Variants in ADAMTSL3 observed in about 807,000 individuals in gnomAD.
The protein encoded by ADAMTSL3 is ADAMTS like 3.
Under a neutral mutation model 201.7 loss-of-function variants are expected in ADAMTSL3, and 128 were observed. The ratio of observed to expected loss-of-function variants is 0.63; its 90% CI spans 0.55 to 0.73. The LOEUF is 0.73. Ranked by LOEUF, ADAMTSL3 falls within the 30% of genes least tolerant of loss-of-function variation. The pLI is 0.00. For synonymous variants in ADAMTSL3, 738 were observed against 748.4 expected (o/e 0.99, Z 0.23); for missense variants, 1,990 against 2,119.6 (o/e 0.94, Z 1.20).
intron 3 of ADAMTSL3, among the ~76,000 whole-genome samples, chr15:83,743,465 A>C (rs1258549647): frequency 1.4e-5 from 2 of 138,272 alleles, no homozygotes; most frequent in East Asian, 4.7e-4. Flanking sequence ...GTGAGCCGAG[A>C]TTGCGCCACT....
intron 2 of ADAMTSL3, 106 bp from the exon 3 acceptor site, chr15:83,704,283 G>T: frequency 7.2e-6 from 11 of 1,519,826 alleles, no homozygotes; most frequent in Admixed American, 3.8e-5. Context: ...TTGTTTCTTG[G>T]TACAGCTATT....
chr15:83,730,224 A>T lies in ADAMTSL3; in HGVS notation c.189+25716A>T, dbSNP rs531443926. Reference sequence around the variant, plus strand: ...TCTAAAAACTGAAATTAAAAACCTGATGCTTAAGAAGAAACATGGAACATT... The same window carrying T: ...TCTAAAAACTGAAATTAAAAACCTGTTGCTTAAGAAGAAACATGGAACATT... On this transcript the variant is annotated intron_variant, in intron 3 of 29. Transcript: ENST00000286744. Among the ~76,000 whole-genome samples, 62 of 152,254 alleles carry T rather than the reference A, an allele frequency of 4.1e-4. No individual in the cohort carries two copies. The South Asian group carries it at 4.1e-3, about 10-fold the overall frequency.
intron 4 of ADAMTSL3, among the ~76,000 whole-genome samples, chr15:83,799,768 T>A (rs2063488776): frequency 6.6e-6 from 1 of 152,190 alleles, no homozygotes; most frequent in African/African-American, 2.4e-5. Flanking sequence ...TGTGAAATGA[T>A]GTTCTTGAAT....
intron 23 of ADAMTSL3, among the ~76,000 whole-genome samples, chr15:84,005,062 G>C (rs2067869777): frequency 6.6e-6 from 1 of 152,136 alleles, no homozygotes; most frequent in East Asian, 1.9e-4. Flanking sequence ...CCCAGAAATA[G>C]AGTGAGAGGT....
At chr15:83,955,709 C>G (rs2066848418) in intron 19 of ADAMTSL3, among the ~76,000 whole-genome samples, 2 of 152,042 alleles carry the variant, frequency 1.3e-5, no homozygotes, top group South Asian at 4.2e-4. Flanking sequence ...GAAATGTCAC[C>G]CAGGAGCTAG....
At chr15:83,711,926 G>C (rs2061938886) in intron 3 of ADAMTSL3, among the ~76,000 whole-genome samples, 1 of 152,194 alleles carries the variant, frequency 6.6e-6, no homozygotes, top group South Asian at 2.1e-4. Flanking sequence ...TTAAGGGGTG[G>C]GTATAGGGTG....
intron 23 of ADAMTSL3, among the ~76,000 whole-genome samples, chr15:83,992,149 G>T (rs866663800): frequency 1.3e-5 from 2 of 152,166 alleles, no homozygotes; most frequent in African/African-American, 4.8e-5. Context: ...TGCCTAGGGT[G>T]ACAGAGGAGC....
intron 20 of ADAMTSL3, 126 bp from the exon 21 acceptor site, chr15:83,982,147 G>C: frequency 1.3e-6 from 1 of 749,478 alleles, no homozygotes; most frequent in East Asian, 2.7e-5. Flanking sequence ...ATTCTTGAAT[G>C]TTTTAAAATA....
intron 4 of ADAMTSL3, among the ~76,000 whole-genome samples, chr15:83,776,115 G>A (rs1277817755): frequency 6.6e-6 from 1 of 152,132 alleles, no homozygotes; most frequent in Admixed American, 6.5e-5. Context: ...AGCAACTGTT[G>A]GTGACACATA....
chr15:83,677,133 A>G (rs2061417382), intron 2 of ADAMTSL3, among the ~76,000 whole-genome samples: 1 of 152,188 alleles, frequency 6.6e-6, no homozygotes, highest in Admixed American at 6.5e-5. Flanking sequence ...TGGTCAAATA[A>G]TAGACTCTGT....
intron 3 of ADAMTSL3, among the ~76,000 whole-genome samples, chr15:83,738,048 A>G (rs990012048): frequency 8.5e-5 from 13 of 152,204 alleles, no homozygotes; most frequent in Non-Finnish European, 1.6e-4. Flanking sequence ...ATGATTACCC[A>G]AGACTGTCTC....
chr15:83,872,606 A>ACACACACACACACACACACACACC (rs2065102312), intron 9 of ADAMTSL3, among the ~76,000 whole-genome samples: 1 of 87,112 alleles, frequency 1.1e-5, no homozygotes, highest in Admixed American at 1.3e-4. Flanking sequence ...CACCACACAC[A>ACACACACACACACACACACACACC]CACACACACA....
At chr15:83,895,970 CA>C (rs1371640645) in intron 13 of ADAMTSL3, among the ~76,000 whole-genome samples, 1 of 152,148 alleles carries the variant, frequency 6.6e-6, no homozygotes, top group Non-Finnish European at 1.5e-5. Context: ...ATCCTCGAAA[CA>C]TATCTTTGAA....
chr15:83,727,011 C>T (rs994839568), intron 3 of ADAMTSL3, among the ~76,000 whole-genome samples: 1 of 151,896 alleles, frequency 6.6e-6, no homozygotes, highest in African/African-American at 2.4e-5. Flanking sequence ...AGTAGTGAAG[C>T]CATTGGGTCT....
rs773392638 is a variant in ADAMTSL3, at chr15:83,885,132, T to C, written c.992T>C (p.Val331Ala). 2 of 1,614,168 alleles carry C rather than the reference T, an allele frequency of 1.2e-6. No homozygotes were observed. Among genetic ancestry groups the C allele is most frequent in the South Asian group, 2.2e-5 (2 of 91,066 alleles). Residue 331 changes from valine to alanine, a missense_variant, in exon 10 of 30, where the codon GTT becomes GCT. Transcript: ENST00000286744. ...TACACTGCAGCCAAAGACAGCGTGG[T>C]TCAGTTCTTCTTTTACCAGCCCATC... ...TRYTAAKDSV[V>A]QFFFYQPISH... is the part of the protein sequence containing the mutation.
At chr15:83,716,608 T>TTGTG (rs142230336) in intron 3 of ADAMTSL3, among the ~76,000 whole-genome samples, 3,507 of 150,754 alleles carry the variant, frequency 0.023, 49 homozygotes, top group Middle Eastern at 0.048. Context: ...CTTTATTTCT[T>TTGTG]TGTGTGTGTG....
intron 7 of ADAMTSL3, among the ~76,000 whole-genome samples, chr15:83,841,257 AT>A (rs1246129670): frequency 6.6e-6 from 1 of 152,206 alleles, no homozygotes; most frequent in East Asian, 1.9e-4. Flanking sequence ...TTACATTATA[AT>A]TTGGATAATG....
rs1336610786 is a variant in ADAMTSL3 at position 83,873,821 on chromosome 15, CA to C, written c.960+2863del. Among the ~76,000 whole-genome samples the C allele has an allele frequency of 3.4e-5, 5 of 146,204 alleles. 1 individual carries two copies. Among genetic ancestry groups the C allele is most frequent in the African/African-American group, 1.3e-4 (5 of 38,488 alleles). On this transcript the variant is annotated intron_variant, in intron 9 of 29. Transcript: ENST00000286744. ...AGAGCTGTTTGCCCTGCGGATTTGA[CA>C]GCAGTGGTATGGCAGGTGAGTGATT... is the stretch of plus-strand genomic sequence containing the variant.
At chr15:83,869,962 A>G (rs1182332833) in intron 8 of ADAMTSL3, among the ~76,000 whole-genome samples, 3 of 152,168 alleles carry the variant, frequency 2.0e-5, no homozygotes, top group Non-Finnish European at 2.9e-5. Flanking sequence ...TCAACATGAA[A>G]CCAGATCTAC....
Sources: gnomAD v4.1 joint callset for allele counts (sites outside exome capture counted in the v4.1 genomes callset) on GRCh38, gnomAD v4.1.1 for gene constraint, MANE v1.5 for transcripts, NCBI Gene and HGNC (gene_info 2026-07-23, HGNC 2026-07-21) for gene names.